Variants in CA1 observed in about 807,000 individuals in gnomAD.
CA1 encodes carbonate dehydratase I.
In CA1, 27 loss-of-function variants were observed where a neutral mutation model predicts 28.8. That is an observed-to-expected ratio of 0.94 (90% CI 0.69 to 1.29). The LOEUF (loss-of-function observed/expected upper bound fraction) is 1.29, where lower values mean the gene tolerates loss of function less well. Among genes scored for constraint, CA1 ranks in the 50% most tolerant of loss-of-function variants. CA1 has a pLI of 0.00. For synonymous variants in CA1, 121 were observed against 108.8 expected (o/e 1.11, Z -0.70); for missense variants, 335 against 310.5 (o/e 1.08, Z -0.59).
At chr8:85,355,732 A>G (rs1425023113) in intron 1 of CA1, among the ~76,000 whole-genome samples, 1 of 151,622 alleles carries the variant, frequency 6.6e-6, no homozygotes, top group Non-Finnish European at 1.5e-5. Flanking sequence ...AAAAGTATAT[A>G]TTTTTTATTT....
intron 1 of CA1, among the ~76,000 whole-genome samples, chr8:85,344,686 C>T (rs2130249475): frequency 6.6e-6 from 1 of 152,010 alleles, no homozygotes; most frequent in Non-Finnish European, 1.5e-5. Context: ...TAACTCTCTG[C>T]TATAAAAGGA....
chr8:85,375,647 G>A (rs1273408664), intron 1 of CA1, among the ~76,000 whole-genome samples: 1 of 152,210 alleles, frequency 6.6e-6, no homozygotes, highest in Admixed American at 6.5e-5. Flanking sequence ...GTGTCTCTTG[G>A]AGAGGAATAA....
intron 1 of CA1, among the ~76,000 whole-genome samples, chr8:85,358,181 G>A (rs1163219935): frequency 6.6e-6 from 1 of 152,136 alleles, no homozygotes; most frequent in African/African-American, 2.4e-5. Context: ...AAGGCAAGAG[G>A]AGACAGGACA....
At chr8:85,345,882 T>C (rs562155804) in intron 1 of CA1, among the ~76,000 whole-genome samples, 20 of 152,208 alleles carry the variant, frequency 1.3e-4, no homozygotes, top group Non-Finnish European at 2.8e-4. Context: ...TTTTGACACT[T>C]TGTAAGTGTC....
In CA1 at chr8:85,337,968, T is replaced by A. The variant is rs941599042; in HGVS notation, c.235+284A>T. ...TCACTAGACCTTTCTGGATAAATGC[T>A]GTTTATTCAGAGACAGTGAAGTGAG... On this transcript the variant is annotated intron_variant, in intron 3 of 7. Transcript: ENST00000523022. The A allele has an allele frequency of 5.7e-6, 3 of 528,658 alleles. No homozygotes were observed. The African/African-American group carries it at 5.7e-5, about 10-fold the overall frequency. 32.7% of individuals were successfully genotyped at this position (528,658 alleles called of 1,614,324 possible). A position where few individuals can be genotyped will look rare whatever the true frequency, so the allele number is the denominator to read the frequency against.
chr8:85,331,707 C>T (rs1413301958), intron 6 of CA1, among the ~76,000 whole-genome samples: 1 of 152,138 alleles, frequency 6.6e-6, no homozygotes, highest in Non-Finnish European at 1.5e-5. Flanking sequence ...ATCTACCCGC[C>T]TCGGCCTCCC....
At chr8:85,369,209 G>A (rs570380720) in intron 1 of CA1, among the ~76,000 whole-genome samples, 9 of 152,224 alleles carry the variant, frequency 5.9e-5, no homozygotes, top group African/African-American at 2.2e-4. Context: ...CTTAGTTAGG[G>A]AAACCAGAGG....
Position 85,336,972 on chromosome 8 carries a change from T to A in CA1, c.327A>T (p.Thr109=). 6.2e-7 allele frequency: 1 copy of A among 1,608,482 alleles called. No individual in the cohort carries two copies. The highest frequency in any genetic ancestry group is 8.5e-7 in the Non-Finnish European group (1 of 1,174,978). ...CGGCAGAATATTTGACTCCATCCAC[T>A]GTATGTTCTGAACCATGCTCATTTG... ...GSTNEHGSEH[T]VDGVKYSAEL... The change falls in exon 4 of 8, where the codon ACA becomes ACT. Residue 109 remains threonine (T), a synonymous_variant. Transcript: ENST00000523022.
intron 1 of CA1, among the ~76,000 whole-genome samples, chr8:85,344,203 TATATA>T (rs1809051133): frequency 9.0e-6 from 1 of 111,722 alleles, no homozygotes; most frequent in Non-Finnish European, 1.6e-5. Context: ...TATTATACAG[TATATA>T]ATATAATTAT....
intron 1 of CA1, among the ~76,000 whole-genome samples, chr8:85,354,033 G>A (rs568481988): frequency 6.6e-6 from 1 of 151,530 alleles, no homozygotes; most frequent in South Asian, 2.1e-4. Context: ...TGTGGATCTC[G>A]GCTCACTGCA....
intron 1 of CA1, among the ~76,000 whole-genome samples, chr8:85,346,717 G>T (rs1002955377): frequency 9.2e-5 from 14 of 152,200 alleles, no homozygotes; most frequent in South Asian, 8.3e-4. Flanking sequence ...AGCTGAGACT[G>T]CACTGCTGCA....
intron 5 of CA1, among the ~76,000 whole-genome samples, chr8:85,333,210 A>C (rs1808485933): frequency 2.6e-5 from 4 of 152,188 alleles, no homozygotes; most frequent in Admixed American, 2.6e-4. Flanking sequence ...TAAATTAATA[A>C]ATTTCAGAAT....
chr8:85,328,409 A>C lies in CA1; in HGVS notation c.*151T>G, dbSNP rs1330561087. Reference sequence around the variant, plus strand: ...TTTGAATTAAGCAGTAAGAACTAAAATTTAAGTTTCTTAGTTTTACAGATT... The same window carrying C: ...TTTGAATTAAGCAGTAAGAACTAAACTTTAAGTTTCTTAGTTTTACAGATT... On this transcript the variant is annotated 3_prime_UTR_variant, in exon 8 of 8. Transcript: ENST00000523022. 6 of 537,492 alleles carry C rather than the reference A, an allele frequency of 1.1e-5. No homozygotes were observed. Among genetic ancestry groups the C allele is most frequent in the Non-Finnish European group, 2.0e-5 (6 of 302,978 alleles). 33.3% of individuals were successfully genotyped at this position (537,492 alleles called of 1,614,324 possible).
At chr8:85,332,944 G>A (rs1298497891) in intron 5 of CA1, among the ~76,000 whole-genome samples, 2 of 152,050 alleles carry the variant, frequency 1.3e-5, no homozygotes, top group African/African-American at 4.8e-5. Context: ...AAGTAGAAGT[G>A]CTATAATTTC....
chr8:85,344,215 T>TTATATTATATACAGTATATAATATAATTA (rs1809054783), intron 1 of CA1, among the ~76,000 whole-genome samples: 1 of 64,006 alleles, frequency 1.6e-5, no homozygotes. Flanking sequence ...TATAATATAA[T>TTATATTATATACAGTATATAATATAATTA]TATATTATAT....
intron 1 of CA1, among the ~76,000 whole-genome samples, chr8:85,366,000 G>T (rs1238652728): frequency 6.6e-6 from 1 of 152,112 alleles, no homozygotes; most frequent in South Asian, 2.1e-4. Flanking sequence ...CCCAGTAGAT[G>T]TCTCTCAGTC....
chr8:85,375,424 T>A (rs1810373295), intron 1 of CA1, among the ~76,000 whole-genome samples: 2 of 152,026 alleles, frequency 1.3e-5, no homozygotes, highest in Admixed American at 1.3e-4. Flanking sequence ...ACAGCACAGC[T>A]CTGCCCAACT....
chr8:85,374,732 C>A (rs545167068), intron 1 of CA1, among the ~76,000 whole-genome samples: 2 of 152,246 alleles, frequency 1.3e-5, no homozygotes, highest in East Asian at 3.9e-4. Flanking sequence ...ATTTCTGAAC[C>A]TGGGAGCCAT....
chr8:85,348,369 T>G (rs1235853579), intron 1 of CA1, among the ~76,000 whole-genome samples: 1 of 152,208 alleles, frequency 6.6e-6, no homozygotes, highest in African/African-American at 2.4e-5. Flanking sequence ...CATGATTAAG[T>G]AAAGACAGGT....
Sources: gnomAD v4.1 joint callset for allele counts (sites outside exome capture counted in the v4.1 genomes callset) on GRCh38, gnomAD v4.1.1 for gene constraint, MANE v1.5 for transcripts, NCBI Gene and HGNC (gene_info 2026-07-23, HGNC 2026-07-21) for gene names.